The following ERCC8 variants were observed in gnomAD, a reference collection of about 807,000 sequenced individuals.
ERCC8 encodes ERCC excision repair 8, CSA ubiquitin ligase complex subunit, also known as DNA excision repair protein ERCC-8.
A neutral mutation model predicts 54.9 loss-of-function variants in ERCC8; 52 were observed. That is an observed-to-expected ratio of 0.95 (90% CI 0.76 to 1.19). The LOEUF (loss-of-function observed/expected upper bound fraction) is 1.19. Ranked by LOEUF, ERCC8 falls within the 50% of genes most tolerant of loss-of-function variation. The pLI is 0.00. For synonymous variants in ERCC8, 146 were observed against 157.2 expected (o/e 0.93, Z 0.53); for missense variants, 514 against 466.1 (o/e 1.10, Z -0.95).
At chr5:60,879,222 G>T (rs1355689172) in intron 11 of ERCC8, among the ~76,000 whole-genome samples, 3 of 152,084 alleles carry the variant, frequency 2.0e-5, no homozygotes, top group Non-Finnish European at 4.4e-5. Flanking sequence ...GATTGCACTG[G>T]GGTCTGAAAG....
At chr5:60,895,716 A>T (rs1748705426) in intron 9 of ERCC8, among the ~76,000 whole-genome samples, 1 of 152,194 alleles carries the variant, frequency 6.6e-6, no homozygotes, top group East Asian at 1.9e-4. Context: ...CGAAGAAAAA[A>T]TACAAAACAG....
intron 1 of ERCC8, among the ~76,000 whole-genome samples, chr5:60,939,646 G>A (rs888573910): frequency 3.1e-4 from 47 of 151,928 alleles, no homozygotes; most frequent in African/African-American, 1.0e-3. Context: ...CACCGCACCC[G>A]GAGCACGCCC....
At position 60,869,516 on chromosome 5, in the gene ERCC8, AT is replaced by A. The variant is rs1475145349; in HGVS notation, c.*5098del. Among the ~76,000 whole-genome samples, 3 of 152,152 alleles carry A rather than the reference AT, an allele frequency of 2.0e-5. No homozygotes were observed. Among genetic ancestry groups the A allele is most frequent in the Non-Finnish European group, 2.9e-5 (2 of 68,016 alleles). ...CAGTTTAAGGTTTTGTCTTTAGAGA[AT>A]TTTTTAAAGGTTTTAAAATCTATTT... On this transcript the variant is annotated 3_prime_UTR_variant, in exon 12 of 12. Transcript: ENST00000676185.
rs567684336 is a variant in ERCC8, at chr5:60,874,502, T to G, written c.*113A>C. 1 of 860,236 alleles carries G rather than the reference T, an allele frequency of 1.2e-6. No individual in the cohort carries two copies. Among genetic ancestry groups the G allele is most frequent in the Non-Finnish European group, 1.9e-6 (1 of 536,158 alleles). 53.3% of individuals were successfully genotyped at this position (860,236 alleles called of 1,614,324 possible). ...CCTCATTTTAAAACATGAGGAAAAA[T>G]ATTACCCACATTTAGGGCTAATTTA... On this transcript the variant is annotated 3_prime_UTR_variant, in exon 12 of 12. Coordinates refer to ENST00000676185, the MANE Select transcript of ERCC8 (RefSeq NM_000082.4).
chr5:60,892,128 A>C (rs568847513), intron 9 of ERCC8: 1 of 502,546 alleles, frequency 2.0e-6, no homozygotes, highest in Admixed American at 2.2e-5. Context: ...CTGGGCACAC[A>C]TCCACCTTAC....
chr5:60,904,934 T>G (rs1269793026), intron 4 of ERCC8, 61 bp from the exon 5 acceptor site: 2 of 867,542 alleles, frequency 2.3e-6, no homozygotes, highest in East Asian at 5.2e-5. Context: ...AGCAATAAAT[T>G]TTCTATTTAC....
Position 60,899,818 on chromosome 5 carries a change from T to C in ERCC8, c.618-91A>G, listed in dbSNP as rs4647119. 2.0e-3 allele frequency: 1,834 copies of C among 908,570 alleles called. 16 individuals are homozygous for C. In the African/African-American group the frequency reaches 0.026, roughly 13 times the overall value. The allele number at this position is 908,570 out of a possible 1,614,324, so 56.3% of individuals were successfully genotyped here. A position where few individuals can be genotyped will look rare whatever the true frequency, so the allele number is the denominator to read the frequency against. ...TTTCTAATTTTATGGCACACAGAGG[T>C]CTCGTTATATAGGTACATATGTATT... On this transcript the variant is annotated intron_variant, in intron 7 of 11. Transcript: ENST00000676185.
rs1748665325 is a variant in ERCC8, at chr5:60,894,459, A to G, written c.844-3373T>C. Among the ~76,000 whole-genome samples the G allele has an allele frequency of 1.3e-5, 2 of 152,204 alleles. 1 individual carries two copies. The highest frequency in any genetic ancestry group is 4.1e-4 in the South Asian group (2 of 4,830). ...TATGAAAATTATGCAGAAAACAGGG[A>G]TAAAGGCTAAGTGTAAAAAAGCACA... is the stretch of plus-strand genomic sequence containing the variant. On this transcript the variant is annotated intron_variant, in intron 9 of 11. Coordinates refer to ENST00000676185, the MANE Select transcript of ERCC8 (RefSeq NM_000082.4).
At chr5:60,933,255 G>A (rs1311593707) in intron 1 of ERCC8, among the ~76,000 whole-genome samples, 2 of 105,262 alleles carry the variant, frequency 1.9e-5, no homozygotes, top group African/African-American at 7.5e-5. Flanking sequence ...GTCTCACTCT[G>A]TCACCCAGGC....
intron 4 of ERCC8, among the ~76,000 whole-genome samples, chr5:60,912,494 C>G (rs750536447): frequency 2.6e-5 from 4 of 151,998 alleles, no homozygotes; most frequent in African/African-American, 4.8e-5. Context: ...ATTTTGGGCT[C>G]AGACGATGGG....
intron 9 of ERCC8, among the ~76,000 whole-genome samples, chr5:60,896,912 C>T (rs917967666): frequency 1.3e-5 from 2 of 151,950 alleles, no homozygotes; most frequent in African/African-American, 4.8e-5. Context: ...CAGAGTGATC[C>T]TGTCACTTCT....
rs189524050 is a variant in ERCC8, at chr5:60,869,173, G to C, written c.*5442C>G. 8.5e-5 allele frequency among the ~76,000 whole-genome samples: 13 copies of C among 152,262 alleles called. No homozygotes were observed. ...TCTTTAGCTTCTCTAGTCTTCAGTA[G>C]TTATATCATTTTTATAGAAATAACA... On this transcript the variant is annotated 3_prime_UTR_variant, in exon 12 of 12. Coordinates refer to ENST00000676185, the MANE Select transcript of ERCC8 (RefSeq NM_000082.4).
intron 11 of ERCC8, among the ~76,000 whole-genome samples, chr5:60,879,920 G>C (rs1241545525): frequency 6.6e-6 from 1 of 152,166 alleles, no homozygotes; most frequent in African/African-American, 2.4e-5. Flanking sequence ...GACATTAGCT[G>C]GTTATTTTGC....
intron 1 of ERCC8, among the ~76,000 whole-genome samples, chr5:60,931,170 T>C (rs1749898289): frequency 6.6e-6 from 1 of 151,874 alleles, no homozygotes; most frequent in Non-Finnish European, 1.5e-5. Context: ...ATAAGAAGTG[T>C]AATAAGTGGT....
chr5:60,911,370 G>A (rs890951121), intron 4 of ERCC8, among the ~76,000 whole-genome samples: 2 of 151,754 alleles, frequency 1.3e-5, no homozygotes, highest in African/African-American at 2.4e-5. Context: ...TTTTTCATGT[G>A]TCTGTTGGCT....
intron 4 of ERCC8, among the ~76,000 whole-genome samples, chr5:60,912,199 C>T (rs1749288276): frequency 6.6e-6 from 1 of 151,994 alleles, no homozygotes. Flanking sequence ...GCCATTTTCA[C>T]GATATTGATT....
In ERCC8 at chr5:60,904,632, GTGTATATATATATATATATATA is replaced by G. The variant is rs1292111286; in HGVS notation, c.481+138_481+159del. Among the ~76,000 whole-genome samples the G allele has an allele frequency of 1.4e-4, 5 of 35,886 alleles. 1 individual carries two copies. The highest frequency in any genetic ancestry group is 2.1e-4 in the Non-Finnish European group (5 of 23,454). 23.5% of individuals were successfully genotyped at this position (35,886 alleles called of 152,430 possible). A position where few individuals can be genotyped will look rare whatever the true frequency, so the allele number is the denominator to read the frequency against. Reference sequence around the variant, plus strand: ...TGTTGAATATATATAGTGTGTGTGTGTGTATATATATATATATATATATATATATATATATATATATATATAT... The same window carrying G: ...TGTTGAATATATATAGTGTGTGTGTGTATATATATATATATATATATATAT... On this transcript the variant is annotated intron_variant, in intron 5 of 11. Transcript: ENST00000676185.
At position 60,868,786 on chromosome 5, in the gene ERCC8, G is replaced by A. The variant is rs145360251; in HGVS notation, c.*5829C>T. 8.0e-3 allele frequency among the ~76,000 whole-genome samples: 1,218 copies of A among 152,262 alleles called. 10 individuals are homozygous for A. Among genetic ancestry groups the A allele is most frequent in the Non-Finnish European group, 0.013 (877 of 68,000 alleles). On this transcript the variant is annotated 3_prime_UTR_variant, in exon 12 of 12. Transcript: ENST00000676185. ...GAAAAAATGTTTATGATTAAACTTCGTTAGTTTTCTTCCCTGAATTTAATA... is the reference window on the plus strand; with the variant it reads ...GAAAAAATGTTTATGATTAAACTTCATTAGTTTTCTTCCCTGAATTTAATA...
intron 11 of ERCC8, among the ~76,000 whole-genome samples, chr5:60,884,083 G>A (rs1211368017): frequency 6.6e-6 from 1 of 152,116 alleles, no homozygotes; most frequent in Admixed American, 6.5e-5. Flanking sequence ...GAATAACTTT[G>A]ATTAGACAAT....
Sources: gnomAD v4.1 joint callset for allele counts (sites outside exome capture counted in the v4.1 genomes callset) on GRCh38, gnomAD v4.1.1 for gene constraint, MANE v1.5 for transcripts, NCBI Gene and HGNC (gene_info 2026-07-23, HGNC 2026-07-21) for gene names.